Variants in CDK11A observed in about 807,000 individuals in gnomAD.
The protein encoded by CDK11A is cyclin dependent kinase 11A, also known as cyclin-dependent kinase 11A.
A neutral mutation model predicts 83.6 loss-of-function variants in CDK11A; 55 were observed. The ratio of observed to expected loss-of-function variants is 0.66; its 90% CI spans 0.53 to 0.82. The LOEUF (loss-of-function observed/expected upper bound fraction) is 0.82. Among genes scored for constraint, CDK11A ranks in the 40% least tolerant of loss-of-function variants. CDK11A has a pLI of 0.00. For synonymous variants in CDK11A, 247 were observed against 302.7 expected (o/e 0.82, Z 1.91); for missense variants, 564 against 810.1 (o/e 0.70, Z 3.69).
chr1:1,704,311 C>G lies in CDK11A; in HGVS notation c.1598G>C (p.Arg533Pro). The change falls in exon 15 of 20, where the codon CGG becomes CCG. Residue 533 changes from arginine to proline, a missense_variant. Transcript: ENST00000404249. ...EVKTLMIQLLRGVKHLHDNWI... is the reference protein window; with the variant it reads ...EVKTLMIQLLPGVKHLHDNWI... Reference sequence around the variant, plus strand: ...GTTGTCGTGCAGGTGTTTCACCCCCCGCAGCAGCTGGATCATCAGGGTCTT... The same window carrying G: ...GTTGTCGTGCAGGTGTTTCACCCCCGGCAGCAGCTGGATCATCAGGGTCTT... 2 of 1,607,356 alleles carry G rather than the reference C, an allele frequency of 1.2e-6. No homozygotes were observed. The highest frequency in any genetic ancestry group is 1.7e-6 in the Non-Finnish European group (2 of 1,176,070).
rs770654419 is a variant in CDK11A, at chr1:1,707,506, C to T, written c.1148G>A (p.Ser383Asn). 9 of 1,604,618 alleles carry T rather than the reference C, an allele frequency of 5.6e-6. No homozygotes were observed. Among genetic ancestry groups the T allele is most frequent in the Admixed American group, 1.7e-5 (1 of 59,386 alleles). Residue 383 changes from serine to asparagine, a missense_variant, in exon 11 of 20, where the codon AGC becomes AAC. Around this residue, in one of 5 missense-constraint regions of CDK11A, gnomAD observed 21 missense variants for 66.1 expected, o/e 0.32. Coordinates refer to ENST00000404249, the MANE Select transcript of CDK11A (RefSeq NM_024011.4). ...ATAGTCGCCCTCTGTCAGGGCGCTG[C>T]TCTGCGGCGTTCCCTCACCCACTTC... ...EEEVGEGTPQ[S>N]SALTEGDYVP...
At position 1,721,473 on chromosome 1, in the gene CDK11A, A is replaced by C. The variant is rs958440268; in HGVS notation, c.227+123T>G. 6.9e-5 allele frequency: 78 copies of C among 1,125,248 alleles called. 2 individuals are homozygous for C. The highest frequency in any genetic ancestry group is 9.4e-5 in the Non-Finnish European group (76 of 804,496). The allele number at this position is 1,125,248 out of a possible 1,614,324, so 69.7% of individuals were successfully genotyped here. A position where few individuals can be genotyped will look rare whatever the true frequency, so the allele number is the denominator to read the frequency against. ...AGCTACAACACGCCCTGTCACGGTA[A>C]CTCTAGGAAAGAGTAAACCTTAATA... On this transcript the variant is annotated intron_variant, in intron 3 of 19. Coordinates refer to ENST00000404249, the MANE Select transcript of CDK11A (RefSeq NM_024011.4).
intron 3 of CDK11A, 149 bp downstream of exon 3, chr1:1,721,447 C>T: frequency 1.2e-6 from 1 of 860,760 alleles, no homozygotes; most frequent in South Asian, 2.0e-5. Context: ...AGTAGTACAA[C>T]AGCTACAACA....
chr1:1,719,064 G>C (rs1213705534), intron 4 of CDK11A: 1 of 233,388 alleles, frequency 4.3e-6, no homozygotes, highest in Non-Finnish European at 8.3e-6. Context: ...CAGCTAGTTT[G>C]CTCTCTCTGG....
intron 3 of CDK11A, among the ~76,000 whole-genome samples, chr1:1,720,416 T>TG: frequency 6.8e-6 from 1 of 147,310 alleles, no homozygotes; most frequent in Middle Eastern, 3.8e-3. Context: ...TTTTTTGAGA[T>TG]GGAGTCTCGC....
chr1:1,715,498 C>T (rs567654654), intron 5 of CDK11A, among the ~76,000 whole-genome samples: 12 of 149,220 alleles, frequency 8.0e-5, no homozygotes, highest in East Asian at 2.0e-4. Flanking sequence ...ATGAATGTTT[C>T]ACACACTAAC....
intron 5 of CDK11A, among the ~76,000 whole-genome samples, chr1:1,715,927 A>T (rs994142266): frequency 2.0e-5 from 3 of 150,160 alleles, no homozygotes; most frequent in African/African-American, 7.4e-5. Context: ...GGTTTTTGGG[A>T]TCTCCCTTCT....
chr1:1,704,554 C>T lies in CDK11A; in HGVS notation c.1560G>A (p.Leu520=). 1 of 1,604,784 alleles carries T rather than the reference C, an allele frequency of 6.2e-7. No homozygotes were observed. The highest frequency in any genetic ancestry group is 8.5e-7 in the Non-Finnish European group (1 of 1,174,850). Residue 520 remains leucine (L), a synonymous_variant, in exon 14 of 20, where the codon CTG becomes CTA. Coordinates refer to ENST00000404249, the MANE Select transcript of CDK11A (RefSeq NM_024011.4). ...SLMETMKQPF[L]PGEVKTLMIQ... ...GACCCCGGGGCGCGGCTGTACCTGG[C>T]AGGAAGGGCTGTTTCATGGTCTCCA...
chr1:1,717,988 C>G (rs543679093), intron 4 of CDK11A, among the ~76,000 whole-genome samples: 37 of 142,900 alleles, frequency 2.6e-4, no homozygotes, highest in African/African-American at 2.6e-4. Flanking sequence ...ATGCTTTCAG[C>G]TGGAGTTTGC....
intron 3 of CDK11A, among the ~76,000 whole-genome samples, chr1:1,721,005 G>T (rs1473151187): frequency 1.3e-5 from 2 of 150,624 alleles, no homozygotes; most frequent in Non-Finnish European, 3.0e-5. Context: ...CGAGGTGGAC[G>T]GATCACCAGG....
chr1:1,723,269 T>C (rs1570448241), intron 1 of CDK11A, among the ~76,000 whole-genome samples: 1 of 74,048 alleles, frequency 1.4e-5, no homozygotes, highest in Admixed American at 1.9e-4. Flanking sequence ...AGCTCTAGGC[T>C]GAGGCGGGTG....
chr1:1,720,462 T>C (rs4648772), intron 3 of CDK11A, among the ~76,000 whole-genome samples: 129,562 of 150,294 alleles, frequency 0.86, 56,784 homozygotes, highest in Non-Finnish European at 0.93. Context: ...GGCGCAATCT[T>C]GGCTCACTGC....
chr1:1,705,973 G>A (rs2101167651), intron 11 of CDK11A, among the ~76,000 whole-genome samples: 1 of 150,096 alleles, frequency 6.7e-6, no homozygotes, highest in African/African-American at 2.5e-5. Context: ...CCAGGTGCAA[G>A]GGCTCAGGCC....
chr1:1,710,681 T>C (rs1644467195), intron 6 of CDK11A, among the ~76,000 whole-genome samples: 1 of 150,830 alleles, frequency 6.6e-6, no homozygotes, highest in African/African-American at 2.4e-5. Flanking sequence ...GACAAAGATT[T>C]TAGGGAACTG....
intron 2 of CDK11A, among the ~76,000 whole-genome samples, chr1:1,722,298 A>G (rs1218329981): frequency 5.3e-5 from 8 of 150,670 alleles, no homozygotes; most frequent in Non-Finnish European, 4.4e-5. Context: ...TACTTTGCCA[A>G]TGCCTCTTAC....
chr1:1,717,995 TTGCTC>T lies in CDK11A; in HGVS notation c.355+1328_355+1332del, dbSNP rs1050424093. Among the ~76,000 whole-genome samples, 8 of 147,936 alleles carry T rather than the reference TTGCTC, an allele frequency of 5.4e-5. No individual in the cohort carries two copies. In the East Asian group the frequency reaches 1.2e-3, roughly 22 times the overall value. Reference sequence around the variant, plus strand: ...ACACACGCATGCTTTCAGCTGGAGTTTGCTCTGTCTGGTTTTCGGTCTGTGACACA... The same window carrying T: ...ACACACGCATGCTTTCAGCTGGAGTTTGTCTGGTTTTCGGTCTGTGACACA... On this transcript the variant is annotated intron_variant, in intron 4 of 19. Transcript: ENST00000404249.
Position 1,704,093 on chromosome 1 carries a change from G to A in CDK11A, c.1740C>T (p.Thr580=), listed in dbSNP as rs540137559. Reference sequence around the variant, plus strand: ...GGTACCACTGGGTCACCACGACCGGGGTGTAGGCCTTCAGAGGGGATCCGT... The same window carrying A: ...GGTACCACTGGGTCACCACGACCGGAGTGTAGGCCTTCAGAGGGGATCCGT... ...REYGSPLKAY[T]PVVVTQWYRA... The change falls in exon 16 of 20, where the codon ACC becomes ACT. Residue 580 remains threonine (T), a synonymous_variant. Coordinates refer to ENST00000404249, the MANE Select transcript of CDK11A (RefSeq NM_024011.4). 1.2e-6 allele frequency: 2 copies of A among 1,600,222 alleles called. No homozygotes were observed. The highest frequency in any genetic ancestry group is 1.7e-6 in the Non-Finnish European group (2 of 1,171,486).
chr1:1,721,086 A>G (rs1285609196), intron 3 of CDK11A, among the ~76,000 whole-genome samples: 13 of 150,756 alleles, frequency 8.6e-5, no homozygotes, highest in African/African-American at 3.2e-4. Context: ...CGTGTTAGCC[A>G]GGAGGCTGAG....
Position 1,704,165 on chromosome 1 carries a change from G to T in CDK11A, c.1687-19C>A, listed in dbSNP as rs776397112. 6.2e-7 allele frequency: 1 copy of T among 1,607,216 alleles called. No individual in the cohort carries two copies. Among genetic ancestry groups the T allele is most frequent in the African/African-American group, 1.3e-5 (1 of 74,548 alleles). On this transcript the variant is annotated intron_variant, in intron 15 of 19. Transcript: ENST00000404249. ...CACCCACCTGCAACGACAGATGGGC[G>T]GCTGTGGGTGGGCCTGGGCGGGTCA...
Sources: gnomAD v4.1 joint callset for allele counts (sites outside exome capture counted in the v4.1 genomes callset) on GRCh38, gnomAD v4.1.1 for gene constraint, gnomAD v4.1.1 regional missense constraint, MANE v1.5 for transcripts, NCBI Gene and HGNC (gene_info 2026-07-23, HGNC 2026-07-21) for gene names.